NRG1: variants seen among roughly 807,000 people sequenced by gnomAD.
NRG1 encodes pro-neuregulin-1, membrane-bound isoform.
NRG1 carries 18 observed loss-of-function variants against 63.8 expected under a neutral mutation model. That is an observed-to-expected ratio of 0.28 (90% CI 0.19 to 0.42). NRG1 has a LOEUF of 0.42. Ranked by LOEUF, NRG1 falls within the 10% of genes least tolerant of loss-of-function variation. The pLI, the probability that NRG1 is intolerant of heterozygous loss-of-function variation, is 1.00. For synonymous variants in NRG1, 302 were observed against 301.3 expected, an observed-to-expected ratio of 1.00 and a Z score of -0.02; for missense variants, 762 against 814.7, an observed-to-expected ratio of 0.94 and a Z score of 0.79.
At position 32,120,895 on chromosome 8, in the gene NRG1, A is replaced by T. The variant is rs377223652; in HGVS notation, c.38-474933A>T. On this transcript the variant is annotated intron_variant, in intron 1 of 10. Transcript: ENST00000519301. ...CCTTTTTGAATGTTCCTTCTCAAAT[A>T]GGGCATGGTATAAACTCTGCAAGAG... Among the ~76,000 whole-genome samples the T allele has an allele frequency of 6.6e-5, 10 of 152,052 alleles. 1 individual carries two copies. The highest frequency in any genetic ancestry group is 5.9e-4 in the Admixed American group (9 of 15,240).
chr8:32,601,893 T>G (rs1314481736), intron 2 of NRG1, among the ~76,000 whole-genome samples: 1 of 152,184 alleles, frequency 6.6e-6, no homozygotes, highest in Non-Finnish European at 1.5e-5. Context: ...TGTTATTCTT[T>G]CTTCTTAAAA....
chr8:32,516,263 A>T (rs1236649216), intron 1 of NRG1, among the ~76,000 whole-genome samples: 1 of 151,958 alleles, frequency 6.6e-6, no homozygotes. Context: ...CCATTGGTCT[A>T]TGTGTCTGTT....
intron 5 of NRG1, among the ~76,000 whole-genome samples, chr8:32,667,123 G>T (rs1804394691): frequency 6.6e-6 from 1 of 152,176 alleles, no homozygotes; most frequent in Admixed American, 6.5e-5. Context: ...CTAATCGATA[G>T]AATCTTTTGC....
intron 6 of NRG1, among the ~76,000 whole-genome samples, chr8:32,735,622 T>C (rs1824829111): frequency 6.6e-6 from 1 of 152,130 alleles, no homozygotes; most frequent in Non-Finnish European, 1.5e-5. Flanking sequence ...CGATATGTCA[T>C]TGTGTCACAA....
Position 31,958,080 on chromosome 8 carries a change from T to TAGATAGAC in NRG1, c.37+318652_37+318653insTAGACAGA, listed in dbSNP as rs781754647. On this transcript the variant is annotated intron_variant, in intron 1 of 10. Coordinates refer to the NRG1 transcript ENST00000519301. ...ATAGATAGATAGATAGATAGATAGA[T>TAGATAGAC]AGACAGACAGATAGATAGGCAGAGA... Among the ~76,000 whole-genome samples, 321 of 151,778 alleles carry TAGATAGAC rather than the reference T, an allele frequency of 2.1e-3. 1 individual carries two copies. Among genetic ancestry groups the TAGATAGAC allele is most frequent in the African/African-American group, 7.2e-3 (299 of 41,316 alleles).
At chr8:32,222,100 G>A (rs1162171002) in intron 1 of NRG1, among the ~76,000 whole-genome samples, 1 of 151,698 alleles carries the variant, frequency 6.6e-6, no homozygotes, top group African/African-American at 2.4e-5. Flanking sequence ...CAGACAGGAA[G>A]ATATGTGTAA....
At chr8:32,347,065 G>A (rs1017785191) in intron 1 of NRG1, among the ~76,000 whole-genome samples, 7 of 152,038 alleles carry the variant, frequency 4.6e-5, no homozygotes, top group South Asian at 2.1e-4. Context: ...TCCTGACCTC[G>A]TGATCCGCCC....
intron 1 of NRG1, among the ~76,000 whole-genome samples, chr8:32,582,582 G>A (rs1007974885): frequency 1.3e-5 from 2 of 152,120 alleles, no homozygotes; most frequent in African/African-American, 4.8e-5. Context: ...TCCTGTGGAA[G>A]GTAAACTTAC....
intron 5 of NRG1, among the ~76,000 whole-genome samples, chr8:32,721,136 A>T (rs549899904): frequency 7.2e-5 from 11 of 152,342 alleles, no homozygotes; most frequent in Admixed American, 2.0e-4. Flanking sequence ...GACCTTGGGC[A>T]GCCTTCCCCT....
intron 1 of NRG1, among the ~76,000 whole-genome samples, chr8:31,875,531 C>A (rs1829846872): frequency 1.3e-5 from 2 of 152,116 alleles, no homozygotes; most frequent in Non-Finnish European, 2.9e-5. Context: ...TGGCAAAAAA[C>A]AGGTCTGCCT....
At chr8:31,923,250 C>T (rs1374461475) in intron 1 of NRG1, among the ~76,000 whole-genome samples, 1 of 151,764 alleles carries the variant, frequency 6.6e-6, no homozygotes, top group East Asian at 1.9e-4. Flanking sequence ...TTTTTCTGCA[C>T]CTATTAAAAT....
intron 1 of NRG1, among the ~76,000 whole-genome samples, chr8:31,659,416 A>G (rs1805746534): frequency 6.6e-6 from 1 of 152,174 alleles, no homozygotes; most frequent in Non-Finnish European, 1.5e-5. Context: ...GCATCTGGGA[A>G]CCATGCAACC....
chr8:32,585,342 G>T lies in NRG1; in HGVS notation c.101-10486G>T, dbSNP rs1273328081. The stretch of plus-strand genomic sequence containing the variant: ...GAGTTGATTGCTTTCAGTGAAGCTT[G>T]CTGGACATCTTTATGTCCGAGAGTG... On this transcript the variant is annotated intron_variant, in intron 1 of 11. Coordinates refer to ENST00000356819, the Ensembl canonical transcript of NRG1. 2.6e-5 allele frequency among the ~76,000 whole-genome samples: 4 copies of T among 152,154 alleles called. No homozygotes were observed. In the East Asian group the frequency reaches 7.7e-4, roughly 29 times the overall value.
chr8:32,742,582 C>A lies in NRG1; in HGVS notation c.633-93C>A. The A allele has an allele frequency of 8.4e-7, 1 of 1,192,834 alleles. No homozygotes were observed. The highest frequency in any genetic ancestry group is 1.3e-5 in the South Asian group (1 of 76,962). The allele number at this position is 1,192,834 out of a possible 1,614,324, so 73.9% of individuals were successfully genotyped here. A position where few individuals can be genotyped will look rare whatever the true frequency, so the allele number is the denominator to read the frequency against. On this transcript the variant is annotated intron_variant, in intron 6 of 11. Transcript: ENST00000356819. This position sits in a 1 kb window ranked among gnomAD's most constrained non-coding sequence, Gnocchi z 4.2. Reference sequence around the variant, plus strand: ...GAGGGTGAACTCACCAAGTTTCAGTCAAATGACACTGAAGGAGCTTCTTTC... The same window carrying A: ...GAGGGTGAACTCACCAAGTTTCAGTAAAATGACACTGAAGGAGCTTCTTTC...
intron 1 of NRG1, among the ~76,000 whole-genome samples, chr8:32,393,587 A>C (rs1392416137): frequency 6.6e-6 from 1 of 152,216 alleles, no homozygotes; most frequent in Non-Finnish European, 1.5e-5. Flanking sequence ...TTACAGGAAC[A>C]TGGATGGAGC....
At chr8:32,663,197 T>G (rs1367689944) in intron 5 of NRG1, among the ~76,000 whole-genome samples, 3 of 152,164 alleles carry the variant, frequency 2.0e-5, no homozygotes, top group African/African-American at 7.2e-5. Flanking sequence ...ATCTAAAGCA[T>G]ATTGCCCCAT....
intron 1 of NRG1, among the ~76,000 whole-genome samples, chr8:31,770,605 C>T (rs1220758463): frequency 8.0e-6 from 1 of 125,124 alleles, no homozygotes; most frequent in East Asian, 2.8e-4. Context: ...CATCACACAC[C>T]GGGGCCTGTT....
chr8:32,191,435 A>G (rs944380658), intron 1 of NRG1, among the ~76,000 whole-genome samples: 14 of 152,284 alleles, frequency 9.2e-5, no homozygotes, highest in Admixed American at 2.6e-4. Context: ...AGGCCATAAC[A>G]AGTTGTCACC....
At chr8:32,041,621 C>G (rs1172932171) in intron 1 of NRG1, among the ~76,000 whole-genome samples, 1 of 152,176 alleles carries the variant, frequency 6.6e-6, no homozygotes, top group Non-Finnish European at 1.5e-5. Context: ...CCCCAGGTTT[C>G]TAAAGCTCTC....
Sources: allele counts gnomAD v4.1 joint callset (sites outside exome capture counted in the v4.1 genomes callset), GRCh38; gene constraint gnomAD v4.1.1; non-coding constraint Gnocchi (gnomAD v3.1); transcripts MANE v1.5; gene names NCBI Gene and HGNC (gene_info 2026-07-23, HGNC 2026-07-21).